Variants in SH3BGRL2 observed in about 807,000 individuals in gnomAD.
The protein encoded by SH3BGRL2 is SH3 domain-binding glutamic acid-rich-like protein 2.
Under a neutral mutation model 14.8 loss-of-function variants are expected in SH3BGRL2, and 21 were observed. The ratio of observed to expected loss-of-function variants is 1.42; its 90% CI spans 1.01 to 2.05. The LOEUF is 2.05. Ranked by LOEUF, SH3BGRL2 falls within the 30% of genes most tolerant of loss-of-function variation. The pLI is 0.00. For synonymous variants in SH3BGRL2, 50 were observed against 47.8 expected (o/e 1.05, Z -0.19); for missense variants, 147 against 130.8 (o/e 1.12, Z -0.61).
At chr6:79,542,527 C>T in the SH3BGRL2 span, among the ~76,000 whole-genome samples, 25,211 of 152,130 alleles carry the variant, frequency 0.17, 2,226 homozygotes, top group South Asian at 0.22. Context: ...CCTTGGCCTC[C>T]CAAAGTGCTG....
the SH3BGRL2 span, among the ~76,000 whole-genome samples, chr6:79,595,175 A>G: frequency 2.0e-4 from 30 of 152,136 alleles, no homozygotes; most frequent in Non-Finnish European, 3.8e-4. Flanking sequence ...AATTCCAGCT[A>G]CTCGGGAGGC....
chr6:79,550,352 A>G, the SH3BGRL2 span, among the ~76,000 whole-genome samples: 3 of 152,210 alleles, frequency 2.0e-5, no homozygotes, highest in Non-Finnish European at 2.9e-5. Context: ...CTGACTGTCT[A>G]CTGCAATGGA....
the SH3BGRL2 span, among the ~76,000 whole-genome samples, chr6:79,548,741 G>A: frequency 1.8e-3 from 270 of 152,246 alleles, 2 homozygotes; most frequent in Non-Finnish European, 3.4e-3. Flanking sequence ...CTAGGAGTGG[G>A]ACATAATTAC....
chr6:79,546,697 C>T, the SH3BGRL2 span, among the ~76,000 whole-genome samples: 1 of 151,350 alleles, frequency 6.6e-6, no homozygotes, highest in Admixed American at 6.6e-5. Flanking sequence ...TAAGTAGCAA[C>T]TCTTTTTTTT....
chr6:79,683,638 G>A lies in SH3BGRL2; in HGVS notation c.231+9839G>A, dbSNP rs190783076. On this transcript the variant is annotated intron_variant, in intron 2 of 3. Transcript: ENST00000369838. ...TAATTTTTGTATATTTAGTAGAGACGGGGTTTCACCATGTTTGCCAGGATG... is the reference window on the plus strand; with the variant it reads ...TAATTTTTGTATATTTAGTAGAGACAGGGTTTCACCATGTTTGCCAGGATG... Among the ~76,000 whole-genome samples, 50 of 152,048 alleles carry A rather than the reference G, an allele frequency of 3.3e-4. No homozygotes were observed. In the East Asian group the frequency reaches 7.8e-3, roughly 24 times the overall value.
the SH3BGRL2 span, among the ~76,000 whole-genome samples, chr6:79,585,841 A>G: frequency 2.3e-4 from 35 of 151,938 alleles, no homozygotes; most frequent in African/African-American, 6.8e-4. Context: ...CCCACGAGCT[A>G]CATGTGGCCC....
At chr6:79,581,469 G>T in the SH3BGRL2 span, among the ~76,000 whole-genome samples, 1 of 152,174 alleles carries the variant, frequency 6.6e-6, no homozygotes, top group East Asian at 1.9e-4. Flanking sequence ...TCCCTGGGAT[G>T]CAAGGCTGGT....
At chr6:79,689,747 A>G (rs1770171799) in intron 2 of SH3BGRL2, among the ~76,000 whole-genome samples, 1 of 152,098 alleles carries the variant, frequency 6.6e-6, no homozygotes, top group Non-Finnish European at 1.5e-5. Flanking sequence ...GGATCATTTT[A>G]AGATTAAGGT....
chr6:79,699,049 T>A (rs1409572321), intron 3 of SH3BGRL2, among the ~76,000 whole-genome samples: 1 of 150,484 alleles, frequency 6.6e-6, no homozygotes, highest in Admixed American at 6.6e-5. Context: ...CAGCTCTTTA[T>A]CCATTGGCTC....
chr6:79,540,459 A>AT, the SH3BGRL2 span, among the ~76,000 whole-genome samples: 1 of 151,880 alleles, frequency 6.6e-6, no homozygotes, highest in Non-Finnish European at 1.5e-5. Context: ...AAATAAATAA[A>AT]ATAAATAAAT....
upstream of SH3BGRL2, among the ~76,000 whole-genome samples, chr6:79,627,197 A>C (rs1256933333): frequency 6.6e-6 from 1 of 152,064 alleles, no homozygotes; most frequent in Admixed American, 6.5e-5. Flanking sequence ...CCTTTATTCT[A>C]TTGCTAACTG....
At chr6:79,539,340 C>A in the SH3BGRL2 span, among the ~76,000 whole-genome samples, 1 of 152,148 alleles carries the variant, frequency 6.6e-6, no homozygotes, top group Non-Finnish European at 1.5e-5. Context: ...CATTTTATTT[C>A]AGTACCACAC....
In SH3BGRL2 at chr6:79,700,735, G is replaced by A. The variant is rs1039651228; in HGVS notation, c.*1226G>A. On this transcript the variant is annotated 3_prime_UTR_variant, in exon 4 of 4. Coordinates refer to ENST00000369838, the MANE Select transcript of SH3BGRL2 (RefSeq NM_031469.4). Reference sequence around the variant, plus strand: ...ATTGGAGTGGATGCTGATGAACATCGAACATATCTACTTCATTAGAGCAGA... The same window carrying A: ...ATTGGAGTGGATGCTGATGAACATCAAACATATCTACTTCATTAGAGCAGA... 2 of 152,200 alleles carry A rather than the reference G, an allele frequency of 1.3e-5. No homozygotes were observed. Among genetic ancestry groups the A allele is most frequent in the Middle Eastern group, 3.4e-3 (1 of 292 alleles). The allele number at this position is 152,200 out of a possible 1,614,324, so 9.4% of individuals were successfully genotyped here. A position where few individuals can be genotyped will look rare whatever the true frequency, so the allele number is the denominator to read the frequency against.
chr6:79,551,938 A>C, the SH3BGRL2 span, among the ~76,000 whole-genome samples: 5 of 152,082 alleles, frequency 3.3e-5, no homozygotes, highest in African/African-American at 1.2e-4. Flanking sequence ...AAAAATACCA[A>C]AAATTAGCCG....
rs1203085292 is a variant in SH3BGRL2, at chr6:79,702,778, G to A, written c.*3269G>A. The A allele has an allele frequency of 6.6e-6, 1 of 152,304 alleles. No homozygotes were observed. The highest frequency in any genetic ancestry group is 1.5e-5 in the Non-Finnish European group (1 of 68,146). 9.4% of individuals were successfully genotyped at this position (152,304 alleles called of 1,614,324 possible). On this transcript the variant is annotated 3_prime_UTR_variant, in exon 4 of 4. Coordinates refer to ENST00000369838, the MANE Select transcript of SH3BGRL2 (RefSeq NM_031469.4). ...AGTTAAATCACTCAGCCCCTGGGTG[G>A]GGTGGGGTGGTTCAAATGGATGACT...
chr6:79,581,474 G>T, the SH3BGRL2 span, among the ~76,000 whole-genome samples: 1 of 152,060 alleles, frequency 6.6e-6, no homozygotes, highest in Non-Finnish European at 1.5e-5. Context: ...GGGATGCAAG[G>T]CTGGTTCAAC....
chr6:79,641,264 G>A (rs189569701), intron 1 of SH3BGRL2, among the ~76,000 whole-genome samples: 13 of 151,954 alleles, frequency 8.6e-5, no homozygotes, highest in Admixed American at 5.9e-4. Flanking sequence ...GTTCATTAGC[G>A]TGGTTTCTTC....
the SH3BGRL2 span, among the ~76,000 whole-genome samples, chr6:79,539,274 A>G: frequency 0.14 from 20,873 of 152,250 alleles, 1,660 homozygotes; most frequent in African/African-American, 0.19. Context: ...TTATGACATT[A>G]CATGGTTTTA....
chr6:79,684,527 T>TGGTGTTTTCAGCTCA (rs530747950), intron 2 of SH3BGRL2, among the ~76,000 whole-genome samples: 2 of 152,080 alleles, frequency 1.3e-5, no homozygotes, highest in African/African-American at 2.4e-5. Flanking sequence ...AATGGGTAAA[T>TGGTGTTTTCAGCTCA]GGTGTTTTCA....
Sources: gnomAD v4.1 joint callset for allele counts (sites outside exome capture counted in the v4.1 genomes callset) on GRCh38, gnomAD v4.1.1 for gene constraint, MANE v1.5 for transcripts, NCBI Gene and HGNC (gene_info 2026-07-23, HGNC 2026-07-21) for gene names.